Variants in NFIA observed in about 807,000 individuals in gnomAD.
NFIA encodes nuclear factor 1 A-type.
A neutral mutation model predicts 62.8 loss-of-function variants in NFIA; 8 were observed. The observed-to-expected ratio is 0.13, with a 90% CI of 0.07 to 0.23. The LOEUF (loss-of-function observed/expected upper bound fraction) is 0.23. Ranked by LOEUF, NFIA falls within the 10% of genes least tolerant of loss-of-function variation. The pLI is 1.00. For missense variants in NFIA, 410 were observed against 642.1 expected, an observed-to-expected ratio of 0.64 and a Z score of 3.91; for synonymous variants, 235 against 238.1, an observed-to-expected ratio of 0.99 and a Z score of 0.12.
chr1:61,419,846 T>A (rs773063908), intron 9 of NFIA, among the ~76,000 whole-genome samples: 2 of 152,202 alleles, frequency 1.3e-5, no homozygotes, highest in African/African-American at 4.8e-5. Context: ...GGTATGTTGT[T>A]CTGTAATTAC....
intron 10 of NFIA, among the ~76,000 whole-genome samples, chr1:61,453,938 A>G (rs1158621543): frequency 6.6e-6 from 1 of 152,204 alleles, no homozygotes. Context: ...CTGAAAGTCT[A>G]CAGGATGCGT....
chr1:61,286,264 T>TAA (rs113974780), intron 3 of NFIA, among the ~76,000 whole-genome samples: 19 of 143,350 alleles, frequency 1.3e-4, no homozygotes, highest in African/African-American at 2.0e-4. Flanking sequence ...TGTCTCTACT[T>TAA]AAAAAAAAAA....
At chr1:61,139,732 G>A (rs903181146) in intron 2 of NFIA, among the ~76,000 whole-genome samples, 5 of 152,090 alleles carry the variant, frequency 3.3e-5, no homozygotes, top group Non-Finnish European at 4.4e-5. Context: ...ATTACACCCC[G>A]ACAGATGTAT....
chr1:61,132,103 T>C (rs1647092435), intron 2 of NFIA, among the ~76,000 whole-genome samples: 1 of 152,192 alleles, frequency 6.6e-6, no homozygotes, highest in African/African-American at 2.4e-5. Context: ...AGAAATGAAG[T>C]AAACCCAATT....
At chr1:61,399,198 C>T (rs936987348) in intron 7 of NFIA, among the ~76,000 whole-genome samples, 3 of 152,162 alleles carry the variant, frequency 2.0e-5, no homozygotes, top group East Asian at 3.8e-4. Flanking sequence ...TGGAATCTCA[C>T]CTGTTGCCAC....
chr1:61,438,310 C>T (rs1667422635), intron 10 of NFIA, among the ~76,000 whole-genome samples: 3 of 152,156 alleles, frequency 2.0e-5, no homozygotes, highest in Non-Finnish European at 4.4e-5. Flanking sequence ...GCCCTCAGCA[C>T]CCTGCCCAGC....
At chr1:61,298,248 G>A (rs1450467374) in intron 3 of NFIA, among the ~76,000 whole-genome samples, 2 of 152,122 alleles carry the variant, frequency 1.3e-5, no homozygotes, top group Non-Finnish European at 2.9e-5. Context: ...GCTCTCTCTT[G>A]CCTGCCACCG....
rs542900356 is a variant in NFIA at position 61,283,005 on chromosome 1, C to T, written c.625+5420C>T. ...GAAGCCCATTAATCATGATGCTTGC[C>T]CCAGATTTTGAAAATTTCCAGCTCT... On this transcript the variant is annotated intron_variant, in intron 3 of 10. Transcript: ENST00000403491. 2.6e-5 allele frequency among the ~76,000 whole-genome samples: 4 copies of T among 152,156 alleles called. No homozygotes were observed. In the South Asian group the frequency reaches 6.2e-4, roughly 24 times the overall value.
chr1:61,400,620 T>G (rs1665505086), intron 7 of NFIA, among the ~76,000 whole-genome samples: 1 of 152,222 alleles, frequency 6.6e-6, no homozygotes. Flanking sequence ...TAATGTGCTA[T>G]AATTTTTTAT....
At chr1:61,413,744 A>G (rs1666220189) in intron 9 of NFIA, among the ~76,000 whole-genome samples, 1 of 140,158 alleles carries the variant, frequency 7.1e-6, no homozygotes, top group Non-Finnish European at 1.5e-5. Flanking sequence ...CTCCTGCCTC[A>G]GCCTCCTGAG....
intron 4 of NFIA, among the ~76,000 whole-genome samples, chr1:61,341,060 CTTTTTTTTTTTTT>C (rs35203949): frequency 2.8e-5 from 3 of 108,792 alleles, no homozygotes; most frequent in Non-Finnish European, 5.4e-5. Context: ...TACCGGCATT[CTTTTTTTTTTTTT>C]TTTTTTTTGA....
chr1:61,313,196 T>G (rs540204050), intron 3 of NFIA, among the ~76,000 whole-genome samples: 1 of 152,330 alleles, frequency 6.6e-6, no homozygotes, highest in Admixed American at 6.5e-5. Flanking sequence ...GGTTGTTTGA[T>G]GAACCACACT....
chr1:61,365,184 C>T (rs1221755251), intron 6 of NFIA, among the ~76,000 whole-genome samples: 1 of 152,134 alleles, frequency 6.6e-6, no homozygotes, highest in African/African-American at 2.4e-5. Flanking sequence ...GAGACCCTGT[C>T]TCAAAAGAAA....
chr1:61,199,212 T>C (rs1463288329), intron 2 of NFIA, among the ~76,000 whole-genome samples: 1 of 152,202 alleles, frequency 6.6e-6, no homozygotes, highest in African/African-American at 2.4e-5. Context: ...TATGTTTACA[T>C]TTGAAATTTT....
Position 61,196,944 on chromosome 1 carries a change from C to T in NFIA, c.560-80576C>T, listed in dbSNP as rs993364718. On this transcript the variant is annotated intron_variant, in intron 2 of 10. Transcript: ENST00000403491. The stretch of plus-strand genomic sequence containing the variant: ...GTGTGTGTGTGTGTGTGTGTGTGCG[C>T]GCGCGCGCTGTGTGTGTGTGATGCA... Among the ~76,000 whole-genome samples, 78 of 144,896 alleles carry T rather than the reference C, an allele frequency of 5.4e-4. 1 individual carries two copies. The highest frequency in any genetic ancestry group is 1.9e-3 in the African/African-American group (70 of 36,944).
At chr1:61,162,786 C>T (rs1013601353) in intron 2 of NFIA, among the ~76,000 whole-genome samples, 4 of 151,994 alleles carry the variant, frequency 2.6e-5, no homozygotes, top group Non-Finnish European at 4.4e-5. Context: ...GCCACCACCC[C>T]CCACAACATA....
At chr1:61,293,712 G>A (rs1325380296) in intron 3 of NFIA, among the ~76,000 whole-genome samples, 1 of 152,206 alleles carries the variant, frequency 6.6e-6, no homozygotes, top group African/African-American at 2.4e-5. Flanking sequence ...AGAACTTCAT[G>A]TAATCTCACT....
At chr1:61,330,103 GT>G (rs1178589938) in intron 3 of NFIA, among the ~76,000 whole-genome samples, 2 of 152,182 alleles carry the variant, frequency 1.3e-5, no homozygotes, top group African/African-American at 4.8e-5. Context: ...GTAAGAACGG[GT>G]TTTGGGTGCA....
chr1:61,095,507 G>A (rs964215622), intron 2 of NFIA, among the ~76,000 whole-genome samples: 2 of 152,032 alleles, frequency 1.3e-5, no homozygotes, highest in African/African-American at 2.4e-5. Flanking sequence ...GTTGGATGTC[G>A]TTTTCATGGT....
Sources: gnomAD v4.1 joint callset for allele counts (sites outside exome capture counted in the v4.1 genomes callset) on GRCh38, gnomAD v4.1.1 for gene constraint, MANE v1.5 for transcripts, NCBI Gene and HGNC (gene_info 2026-07-23, HGNC 2026-07-21) for gene names.